SLC22A25: variants seen among roughly 807,000 people sequenced by gnomAD.
SLC22A25 encodes MGI:2442751, MGI:2385316, MGI:3042283, MGI:3645714, MGI:3605624, MGI:2442750.
Under a neutral mutation model 45.9 loss-of-function variants are expected in SLC22A25, and 44 were observed. That is an observed-to-expected ratio of 0.96 (90% CI 0.75 to 1.23). The LOEUF (loss-of-function observed/expected upper bound fraction) is 1.23, where lower values mean the gene tolerates loss of function less well. SLC22A25 is among the 50% of genes most tolerant of loss of function. The probability of loss-of-function intolerance (pLI) is 0.00; values close to 1 mark genes in which losing one functional copy is unlikely to be tolerated. For missense variants in SLC22A25, 800 were observed against 666.4 expected, an observed-to-expected ratio of 1.20 and a Z score of -2.21; for synonymous variants, 283 against 238.6, an observed-to-expected ratio of 1.19 and a Z score of -1.72.
At chr11:63,178,548 T>A (rs1201873645) in intron 9 of SLC22A25, among the ~76,000 whole-genome samples, 1 of 151,796 alleles carries the variant, frequency 6.6e-6, no homozygotes, top group Non-Finnish European at 1.5e-5. Context: ...TTAATTTACA[T>A]TTTTTCTGGT....
intron 5 of SLC22A25, chr11:63,218,210 G>A: frequency 2.6e-6 from 1 of 383,340 alleles, no homozygotes; most frequent in Admixed American, 3.1e-5. Context: ...CATGGATGCA[G>A]ATGGAGGCCA....
At chr11:63,217,803 AG>A in intron 5 of SLC22A25, 68 bp from the exon 6 acceptor site, 1 of 1,515,824 alleles carries the variant, frequency 6.6e-7, no homozygotes, top group South Asian at 1.3e-5. Flanking sequence ...GCAAAGGGAA[AG>A]CACACTTTGA....
chr11:63,172,161 CTT>C, intron 9 of SLC22A25, among the ~76,000 whole-genome samples: 1 of 152,300 alleles, frequency 6.6e-6, no homozygotes, highest in East Asian at 1.9e-4. Context: ...GGATAAAAGA[CTT>C]AAATATAATA....
intron 1 of SLC22A25, among the ~76,000 whole-genome samples, chr11:63,240,113 T>G (rs933406512): frequency 6.6e-6 from 1 of 152,208 alleles, no homozygotes; most frequent in African/African-American, 2.4e-5. Context: ...GTTACTTCAC[T>G]GAATACTGTA....
At chr11:63,223,223 G>A (rs1372399854) in intron 5 of SLC22A25, among the ~76,000 whole-genome samples, 1 of 151,860 alleles carries the variant, frequency 6.6e-6, no homozygotes, top group Non-Finnish European at 1.5e-5. Flanking sequence ...TAAATGTTTG[G>A]TAGAATTCAG....
At chr11:63,194,720 C>T (rs2088942065) in intron 7 of SLC22A25, among the ~76,000 whole-genome samples, 1 of 151,638 alleles carries the variant, frequency 6.6e-6, no homozygotes, top group South Asian at 2.1e-4. Flanking sequence ...ACAATATTAG[C>T]TTTAAATGTA....
chr11:63,195,661 C>T (rs2088997222), intron 7 of SLC22A25, among the ~76,000 whole-genome samples: 2 of 151,890 alleles, frequency 1.3e-5, no homozygotes, highest in Non-Finnish European at 2.9e-5. Context: ...AGGAAAGATC[C>T]AAAATTGACA....
At chr11:63,172,112 A>G (rs1356525673) in intron 9 of SLC22A25, among the ~76,000 whole-genome samples, 1 of 152,122 alleles carries the variant, frequency 6.6e-6, no homozygotes, top group Non-Finnish European at 1.5e-5. Context: ...CTGAAACTGG[A>G]CCCCTTCCTT....
intron 5 of SLC22A25, among the ~76,000 whole-genome samples, chr11:63,226,847 C>G (rs925429800): frequency 6.6e-6 from 1 of 152,200 alleles, no homozygotes; most frequent in Non-Finnish European, 1.5e-5. Context: ...TAAGCTGCCA[C>G]CAAAACCACA....
In SLC22A25 at chr11:63,158,751, A is replaced by G. The variant is rs2087514727; in HGVS notation, c.*5073T>C. Reference sequence around the variant, plus strand: ...CAAGCGTTTATTCTTTGTGATTACAAACAATCCAATTATACTTTTTTAGTT... The same window carrying G: ...CAAGCGTTTATTCTTTGTGATTACAGACAATCCAATTATACTTTTTTAGTT... On this transcript the variant is annotated 3_prime_UTR_variant, in exon 12 of 12. Coordinates refer to ENST00000306494, the MANE Select transcript of SLC22A25 (RefSeq NM_199352.6). Among the ~76,000 whole-genome samples the G allele has an allele frequency of 6.6e-6, 1 of 152,212 alleles. No homozygotes were observed. The highest frequency in any genetic ancestry group is 2.4e-5 in the African/African-American group (1 of 41,452).
At chr11:63,187,075 T>A (rs1307489875) in intron 7 of SLC22A25, among the ~76,000 whole-genome samples, 2 of 152,224 alleles carry the variant, frequency 1.3e-5, no homozygotes, top group Non-Finnish European at 2.9e-5. Context: ...TTTCCAATTC[T>A]ATGAAGAAAG....
At chr11:63,165,577 G>A (rs866354234) in intron 10 of SLC22A25, among the ~76,000 whole-genome samples, 2 of 152,270 alleles carry the variant, frequency 1.3e-5, no homozygotes, top group Middle Eastern at 3.4e-3. Flanking sequence ...TGCAGTTATG[G>A]TGACCTAATA....
chr11:63,166,066 C>G lies in SLC22A25; in HGVS notation c.1263G>C (p.Leu421=). The change falls in exon 10 of 12, where the codon CTG becomes CTC. Residue 421 remains leucine (L), a synonymous_variant. Coordinates refer to ENST00000306494, the MANE Select transcript of SLC22A25 (RefSeq NM_199352.6). ...CACCTTGAGGCACAAATATGATGGC[C>G]AGAAGGCAGGTTGCCAGTAGGAACA... is the stretch of plus-strand genomic sequence containing the variant. ...LLMFLLATCL[L]AIIFVPQEMQ... is the part of the protein sequence containing the mutation. 1 of 1,613,888 alleles carries G rather than the reference C, an allele frequency of 6.2e-7. No homozygotes were observed. The highest frequency in any genetic ancestry group is 8.5e-7 in the Non-Finnish European group (1 of 1,179,898).
At chr11:63,221,762 G>A (rs745605288) in intron 5 of SLC22A25, among the ~76,000 whole-genome samples, 7 of 152,016 alleles carry the variant, frequency 4.6e-5, no homozygotes, top group Non-Finnish European at 8.8e-5. Flanking sequence ...CATAGTTTGA[G>A]GTCTTAGATT....
intron 7 of SLC22A25, among the ~76,000 whole-genome samples, chr11:63,195,877 G>A (rs1406204423): frequency 6.6e-6 from 1 of 152,152 alleles, no homozygotes; most frequent in Non-Finnish European, 1.5e-5. Context: ...AAGAAGAAAA[G>A]AGAGAAGAAT....
intron 7 of SLC22A25, among the ~76,000 whole-genome samples, chr11:63,187,321 T>C (rs1186410621): frequency 6.6e-6 from 1 of 152,086 alleles, no homozygotes; most frequent in Non-Finnish European, 1.5e-5. Context: ...CGAATGGGAG[T>C]TCACTCATGA....
chr11:63,168,512 G>A (rs978895788), intron 9 of SLC22A25, among the ~76,000 whole-genome samples: 4 of 152,108 alleles, frequency 2.6e-5, no homozygotes, highest in Non-Finnish European at 5.9e-5. Context: ...CGAGAACTTT[G>A]TGAAGCATAC....
intron 7 of SLC22A25, among the ~76,000 whole-genome samples, chr11:63,207,861 A>G (rs58870353): frequency 0.011 from 1,659 of 152,296 alleles, 34 homozygotes; most frequent in African/African-American, 0.037. Flanking sequence ...AATTAATTGA[A>G]TAACTGTCTT....
intron 9 of SLC22A25, among the ~76,000 whole-genome samples, chr11:63,170,794 C>T (rs2087851282): frequency 6.6e-6 from 1 of 152,052 alleles, no homozygotes; most frequent in South Asian, 2.1e-4. Flanking sequence ...AAAAGAGGGA[C>T]TCCTCCCTAA....
Sources: allele counts gnomAD v4.1 joint callset (sites outside exome capture counted in the v4.1 genomes callset), GRCh38; gene constraint gnomAD v4.1.1; transcripts MANE v1.5; gene names NCBI Gene and HGNC (gene_info 2026-07-23, HGNC 2026-07-21).